ARL15: variants seen among roughly 807,000 people sequenced by gnomAD.
ARL15 encodes ARF like GTPase 15, also known as ADP-ribosylation factor-like protein 15.
A neutral mutation model predicts 25.2 loss-of-function variants in ARL15; 19 were observed. That is an observed-to-expected ratio of 0.75 (90% CI 0.53 to 1.10). The LOEUF (loss-of-function observed/expected upper bound fraction) is 1.10, where lower values mean the gene tolerates loss of function less well. Ranked by LOEUF, ARL15 falls within the 50% of genes least tolerant of loss-of-function variation. The pLI is 0.00. For synonymous variants in ARL15, 94 were observed against 86.8 expected, an observed-to-expected ratio of 1.08 and a Z score of -0.46; for missense variants, 220 against 246.0, an observed-to-expected ratio of 0.89 and a Z score of 0.71.
At chr5:54,097,853 G>T (rs746368727) in intron 4 of ARL15, among the ~76,000 whole-genome samples, 1 of 152,166 alleles carries the variant, frequency 6.6e-6, no homozygotes, top group Non-Finnish European at 1.5e-5. Flanking sequence ...GTGTATACAT[G>T]CACACACAGA....
chr5:54,252,155 G>T (rs1252484956), intron 1 of ARL15, among the ~76,000 whole-genome samples: 1 of 152,152 alleles, frequency 6.6e-6, no homozygotes, highest in Admixed American at 6.5e-5. Context: ...GCAGACAACA[G>T]AAACCAAACT....
Position 54,100,083 on chromosome 5 carries a change from C to T in ARL15, c.462+13119G>A, listed in dbSNP as rs1212783799. 2.6e-5 allele frequency among the ~76,000 whole-genome samples: 4 copies of T among 152,094 alleles called. No individual in the cohort carries two copies. The South Asian group carries it at 8.3e-4, about 31-fold the overall frequency. On this transcript the variant is annotated intron_variant, in intron 4 of 4. Transcript: ENST00000504924. ...AGACATGTACAAAGATATTTATCAACAGCTCTGTTTATAATCACAAAAAAT... is the reference window on the plus strand; with the variant it reads ...AGACATGTACAAAGATATTTATCAATAGCTCTGTTTATAATCACAAAAAAT...
chr5:54,301,703 G>A (rs1435187299), intron 1 of ARL15, among the ~76,000 whole-genome samples: 1 of 152,184 alleles, frequency 6.6e-6, no homozygotes, highest in Non-Finnish European at 1.5e-5. Context: ...CTCAATCAGT[G>A]GTCCTGGAGT....
intron 4 of ARL15, among the ~76,000 whole-genome samples, chr5:53,978,936 T>A (rs1180983859): frequency 6.6e-6 from 1 of 152,172 alleles, no homozygotes; most frequent in South Asian, 2.1e-4. Flanking sequence ...ATATAAAGCA[T>A]TATCATACAG....
rs889727689 is a variant in ARL15, at chr5:54,259,631, T to C, written c.48+50801A>G. 1.2e-4 allele frequency among the ~76,000 whole-genome samples: 18 copies of C among 152,072 alleles called. 1 individual carries two copies. Among genetic ancestry groups the C allele is most frequent in the Non-Finnish European group, 2.2e-4 (15 of 68,012 alleles). Reference sequence around the variant, plus strand: ...CATTCAGACACCCAAAAATCAACAATATCTATAGACCCCTACACTGCAGGG... The same window carrying C: ...CATTCAGACACCCAAAAATCAACAACATCTATAGACCCCTACACTGCAGGG... On this transcript the variant is annotated intron_variant, in intron 1 of 4. Transcript: ENST00000504924.
At chr5:54,159,529 T>C (rs1754340799) in intron 2 of ARL15, among the ~76,000 whole-genome samples, 1 of 152,178 alleles carries the variant, frequency 6.6e-6, no homozygotes. Context: ...CATTCCATTA[T>C]TTATATTAAA....
At chr5:54,033,553 T>A (rs1750065819) in intron 4 of ARL15, among the ~76,000 whole-genome samples, 1 of 150,150 alleles carries the variant, frequency 6.7e-6, no homozygotes. Flanking sequence ...ACACCTATAA[T>A]CCTAGCTACT....
intron 1 of ARL15, among the ~76,000 whole-genome samples, chr5:54,289,598 T>G (rs1361129401): frequency 6.6e-6 from 1 of 151,822 alleles, no homozygotes; most frequent in Non-Finnish European, 1.5e-5. Context: ...GAGAAGCAGT[T>G]CTGGGAGACA....
chr5:54,039,654 T>G (rs1750272758), intron 4 of ARL15, among the ~76,000 whole-genome samples: 1 of 151,294 alleles, frequency 6.6e-6, no homozygotes, highest in Non-Finnish European at 1.5e-5. Context: ...ACTACAAAAA[T>G]TAGATGGGCT....
chr5:53,959,364 G>A (rs765436972), intron 4 of ARL15, among the ~76,000 whole-genome samples: 4 of 152,074 alleles, frequency 2.6e-5, no homozygotes, highest in Non-Finnish European at 4.4e-5. Flanking sequence ...CCCCAAGGGC[G>A]CTTTTTATCT....
chr5:54,277,452 C>A (rs1050068565), intron 1 of ARL15, among the ~76,000 whole-genome samples: 2 of 152,122 alleles, frequency 1.3e-5, no homozygotes, highest in African/African-American at 2.4e-5. Flanking sequence ...TAGTAAAACG[C>A]GTTCAATAAT....
At chr5:54,008,654 C>T (rs1749127950) in intron 4 of ARL15, among the ~76,000 whole-genome samples, 1 of 152,178 alleles carries the variant, frequency 6.6e-6, no homozygotes, top group African/African-American at 2.4e-5. Context: ...TGCGACAAAT[C>T]ACAGGGGTGT....
intron 4 of ARL15, among the ~76,000 whole-genome samples, chr5:53,890,246 T>C (rs931842582): frequency 2.0e-5 from 3 of 152,236 alleles, no homozygotes; most frequent in African/African-American, 7.2e-5. Context: ...TATATGTTGA[T>C]GTACAGTTTT....
chr5:53,974,934 A>G (rs112799940), intron 4 of ARL15, among the ~76,000 whole-genome samples: 5,014 of 152,218 alleles, frequency 0.033, 107 homozygotes, highest in Middle Eastern at 0.051. Context: ...CAGTTATAAG[A>G]AGGTGAGCGG....
intron 1 of ARL15, among the ~76,000 whole-genome samples, chr5:54,297,693 T>C (rs989408777): frequency 6.6e-6 from 1 of 152,234 alleles, no homozygotes; most frequent in African/African-American, 2.4e-5. Context: ...TCTGACCACA[T>C]TGAACTTTCT....
intron 4 of ARL15, among the ~76,000 whole-genome samples, chr5:54,096,291 TTC>T (rs1752285279): frequency 2.6e-5 from 4 of 152,242 alleles, no homozygotes; most frequent in African/African-American, 4.8e-5. Context: ...GTACCTGTCA[TTC>T]TGTTATTCAT....
chr5:54,307,016 T>G (rs1271105621), intron 1 of ARL15, among the ~76,000 whole-genome samples: 2 of 152,228 alleles, frequency 1.3e-5, no homozygotes, highest in Admixed American at 1.3e-4. Flanking sequence ...GTGTTACTAG[T>G]TCTACCTATG....
intron 1 of ARL15, among the ~76,000 whole-genome samples, chr5:54,231,379 T>C (rs1054912958): frequency 2.0e-5 from 3 of 152,098 alleles, no homozygotes; most frequent in African/African-American, 7.2e-5. Flanking sequence ...GCCTATAACA[T>C]CCACTTCTCT....
intron 4 of ARL15, among the ~76,000 whole-genome samples, chr5:53,914,602 A>T (rs1382343510): frequency 6.6e-6 from 1 of 152,108 alleles, no homozygotes; most frequent in Non-Finnish European, 1.5e-5. Context: ...ATGAAGACAG[A>T]CCTCAAGGCT....
Sources: gnomAD v4.1 joint callset for allele counts (sites outside exome capture counted in the v4.1 genomes callset) on GRCh38, gnomAD v4.1.1 for gene constraint, MANE v1.5 for transcripts, NCBI Gene and HGNC (gene_info 2026-07-23, HGNC 2026-07-21) for gene names.